TANGO6: variants seen among roughly 807,000 people sequenced by gnomAD.
TANGO6 encodes the protein transport and golgi organization 6 homolog.
TANGO6 carries 90 observed loss-of-function variants against 114.2 expected under a neutral mutation model. That is an observed-to-expected ratio of 0.79 (90% CI 0.66 to 0.94). The LOEUF (loss-of-function observed/expected upper bound fraction) is 0.94, where lower values mean the gene tolerates loss of function less well. TANGO6 is among the 40% of genes least tolerant of loss of function. The pLI, the probability that TANGO6 is intolerant of heterozygous loss-of-function variation, is 0.00. For missense variants in TANGO6, 1,274 were observed against 1,315.3 expected, an observed-to-expected ratio of 0.97 and a Z score of 0.49; for synonymous variants, 477 against 509.8, an observed-to-expected ratio of 0.94 and a Z score of 0.87.
chr16:69,009,072 C>CT (rs869092742), intron 15 of TANGO6, among the ~76,000 whole-genome samples: 1,959 of 77,610 alleles, frequency 0.025, 304 homozygotes, highest in African/African-American at 0.065. Flanking sequence ...GAGTTTATTT[C>CT]TTTTTTTTTT....
At chr16:68,854,614 C>CA (rs1961955831) in intron 1 of TANGO6, among the ~76,000 whole-genome samples, 1 of 148,140 alleles carries the variant, frequency 6.8e-6, no homozygotes, top group African/African-American at 2.5e-5. Context: ...AATTAAAGGT[C>CA]AAAGTTTTTT....
At chr16:68,934,885 G>T (rs375926045) in intron 14 of TANGO6, among the ~76,000 whole-genome samples, 7 of 152,062 alleles carry the variant, frequency 4.6e-5, no homozygotes, top group Non-Finnish European at 1.0e-4. Context: ...TATCAAAATC[G>T]CAGCTGTTGG....
chr16:68,868,897 A>G (rs950597583), intron 4 of TANGO6, among the ~76,000 whole-genome samples: 3 of 152,190 alleles, frequency 2.0e-5, no homozygotes, highest in Admixed American at 6.6e-5. Context: ...GTTCTCTTTC[A>G]TAACACTGCC....
At chr16:68,980,755 T>C (rs1209903571) in intron 15 of TANGO6, among the ~76,000 whole-genome samples, 1 of 152,034 alleles carries the variant, frequency 6.6e-6, no homozygotes, top group East Asian at 1.9e-4. Flanking sequence ...CCTCAGCACT[T>C]TGGGAGGCCG....
chr16:69,081,262 C>T (rs1176087790), intron 17 of TANGO6, among the ~76,000 whole-genome samples: 1 of 152,176 alleles, frequency 6.6e-6, no homozygotes, highest in Non-Finnish European at 1.5e-5. Flanking sequence ...GCAAAAAGCC[C>T]TGGACCAGAA....
intron 15 of TANGO6, among the ~76,000 whole-genome samples, chr16:68,978,770 CTA>C (rs1963789757): frequency 6.6e-6 from 1 of 151,878 alleles, no homozygotes; most frequent in African/African-American, 2.4e-5. Context: ...GTGCAGTACA[CTA>C]TGTTACCTCT....
At chr16:68,990,454 G>GC (rs1963937258) in intron 15 of TANGO6, among the ~76,000 whole-genome samples, 1 of 152,088 alleles carries the variant, frequency 6.6e-6, no homozygotes, top group Non-Finnish European at 1.5e-5. Flanking sequence ...GGGGGAAACC[G>GC]CCCCCATGAT....
chr16:69,054,091 T>G (rs932659690), intron 17 of TANGO6, among the ~76,000 whole-genome samples: 13 of 152,144 alleles, frequency 8.5e-5, no homozygotes, highest in Admixed American at 5.2e-4. Flanking sequence ...AATCTTGGTC[T>G]CCCATAGAGG....
At chr16:68,889,553 C>T (rs1307059699) in intron 7 of TANGO6, among the ~76,000 whole-genome samples, 1 of 152,122 alleles carries the variant, frequency 6.6e-6, no homozygotes. Flanking sequence ...ACCTTGGTTC[C>T]CTGCACTGGC....
intron 4 of TANGO6, chr16:68,867,581 TG>T (rs1198843190): frequency 5.4e-6 from 1 of 183,574 alleles, no homozygotes; most frequent in Non-Finnish European, 1.1e-5. Context: ...GGCTCACGCC[TG>T]TAATCCCAGC....
chr16:68,956,476 T>C (rs1182156262), intron 14 of TANGO6, among the ~76,000 whole-genome samples: 1 of 152,154 alleles, frequency 6.6e-6, no homozygotes, highest in Non-Finnish European at 1.5e-5. Flanking sequence ...AGATGTACCT[T>C]CAAGTACCTT....
intron 15 of TANGO6, among the ~76,000 whole-genome samples, chr16:68,993,697 A>G (rs116327906): frequency 0.017 from 2,649 of 152,332 alleles, 90 homozygotes; most frequent in African/African-American, 0.06. Context: ...TGCTTTAATG[A>G]GTTTGAACTT....
chr16:68,913,404 ATTTTTTTTT>A (rs769117351), intron 11 of TANGO6, among the ~76,000 whole-genome samples: 23 of 122,512 alleles, frequency 1.9e-4, no homozygotes, highest in Non-Finnish European at 3.1e-4. Context: ...AAAATTATTA[ATTTTTTTTT>A]TTTTTTTTTT....
chr16:68,849,663 A>C (rs1961869909), intron 1 of TANGO6, among the ~76,000 whole-genome samples: 5 of 152,138 alleles, frequency 3.3e-5, no homozygotes, highest in Admixed American at 3.3e-4. Context: ...CTGTCTCAAA[A>C]AAAAAAATGA....
At chr16:69,027,551 C>T in intron 16 of TANGO6, among the ~76,000 whole-genome samples, 1 of 151,946 alleles carries the variant, frequency 6.6e-6, no homozygotes. Context: ...TAGCAAATAT[C>T]TTGTTCTTTA....
At chr16:68,863,980 G>T (rs748337565) in intron 3 of TANGO6, among the ~76,000 whole-genome samples, 7 of 151,812 alleles carry the variant, frequency 4.6e-5, no homozygotes, top group Non-Finnish European at 8.8e-5. Flanking sequence ...TTCGAGACCA[G>T]CTTGACCAAC....
chr16:69,074,947 C>G (rs1960352266), intron 17 of TANGO6, among the ~76,000 whole-genome samples: 1 of 151,900 alleles, frequency 6.6e-6, no homozygotes, highest in Non-Finnish European at 1.5e-5. Flanking sequence ...CTCCCAGGTT[C>G]AAGCAATTCT....
chr16:69,068,951 A>G (rs1422071327), intron 17 of TANGO6, among the ~76,000 whole-genome samples: 1 of 152,144 alleles, frequency 6.6e-6, no homozygotes, highest in Non-Finnish European at 1.5e-5. Context: ...TCCTGACCTC[A>G]GGTGATCCAC....
chr16:68,929,258 A>G (rs1018170525), intron 13 of TANGO6, among the ~76,000 whole-genome samples: 2 of 152,224 alleles, frequency 1.3e-5, no homozygotes, highest in African/African-American at 2.4e-5. Context: ...GGTGAATTCA[A>G]TGAACATCTT....
Sources: allele counts gnomAD v4.1 joint callset (sites outside exome capture counted in the v4.1 genomes callset), GRCh38; gene constraint gnomAD v4.1.1; transcripts MANE v1.5; gene names NCBI Gene and HGNC (gene_info 2026-07-23, HGNC 2026-07-21).